Variants in PEX14 observed in about 807,000 individuals in gnomAD.
PEX14 encodes peroxisomal biogenesis factor 14.
A neutral mutation model predicts 49.5 loss-of-function variants in PEX14; 15 were observed. The ratio of observed to expected loss-of-function variants is 0.30; its 90% CI spans 0.20 to 0.47. PEX14 has a LOEUF of 0.47. Ranked by LOEUF, PEX14 falls within the 20% of genes least tolerant of loss-of-function variation. The pLI, the probability that PEX14 is intolerant of heterozygous loss-of-function variation, is 1.00. For missense variants in PEX14, 398 were observed against 494.8 expected, an observed-to-expected ratio of 0.80 and a Z score of 1.86; for synonymous variants, 210 against 212.7, an observed-to-expected ratio of 0.99 and a Z score of 0.11.
chr1:10,530,969 C>T (rs1489497327), intron 2 of PEX14, among the ~76,000 whole-genome samples: 3 of 152,084 alleles, frequency 2.0e-5, no homozygotes, highest in East Asian at 3.8e-4. Flanking sequence ...TGGATATGTT[C>T]GTGGAATGTG....
At chr1:10,577,254 G>T (rs1352829581) in intron 3 of PEX14, among the ~76,000 whole-genome samples, 1 of 151,006 alleles carries the variant, frequency 6.6e-6, no homozygotes, top group Non-Finnish European at 1.5e-5. Flanking sequence ...AAAATTAGCT[G>T]GGCTTGGTGG....
chr1:10,507,488 C>G (rs1641804529), intron 2 of PEX14, among the ~76,000 whole-genome samples: 1 of 152,218 alleles, frequency 6.6e-6, no homozygotes, highest in South Asian at 2.1e-4. Context: ...ATGTGTGCCT[C>G]CTTGTGCTCA....
At chr1:10,548,444 C>A (rs899893929) in intron 3 of PEX14, among the ~76,000 whole-genome samples, 13 of 152,184 alleles carry the variant, frequency 8.5e-5, no homozygotes, top group Admixed American at 5.2e-4. Context: ...TACTGAAAAA[C>A]ATTTTATGTT....
chr1:10,521,079 C>T (rs1198321032), intron 2 of PEX14, among the ~76,000 whole-genome samples: 2 of 148,542 alleles, frequency 1.3e-5, no homozygotes, highest in Non-Finnish European at 3.0e-5. Context: ...GTTTTCTTTT[C>T]CATTTCTCTT....
chr1:10,563,869 G>T (rs188405478), intron 3 of PEX14, among the ~76,000 whole-genome samples: 1 of 151,784 alleles, frequency 6.6e-6, no homozygotes. Flanking sequence ...CCAACATCAC[G>T]CCACTGCACT....
intron 2 of PEX14, among the ~76,000 whole-genome samples, chr1:10,526,335 T>C (rs1345955001): frequency 6.6e-6 from 1 of 151,792 alleles, no homozygotes; most frequent in African/African-American, 2.4e-5. Context: ...TCTCCTGCCT[T>C]AGCTTCCCAA....
intron 5 of PEX14, 44 bp from the exon 6 acceptor site, chr1:10,622,975 C>T (rs1162074703): frequency 7.5e-7 from 1 of 1,335,366 alleles, no homozygotes; most frequent in Admixed American, 1.8e-5. Context: ...TGGAGGATAA[C>T]CCCGGGTCCG....
At chr1:10,592,629 G>A (rs1640702719) in intron 3 of PEX14, among the ~76,000 whole-genome samples, 1 of 152,186 alleles carries the variant, frequency 6.6e-6, no homozygotes, top group Admixed American at 6.5e-5. Context: ...TAAGCTCAAT[G>A]ACTGGTGTGT....
chr1:10,506,878 G>C (rs1286114006), intron 2 of PEX14, among the ~76,000 whole-genome samples: 1 of 152,202 alleles, frequency 6.6e-6, no homozygotes, highest in Non-Finnish European at 1.5e-5. Context: ...AAAGGGCTTG[G>C]CTTTACATCA....
In PEX14 at chr1:10,514,302, C is replaced by T. The variant is rs773761504; in HGVS notation, c.84+18981C>T. ...GATTTGTACGGTGCTGCTCAGCCCA[C>T]GTATTGTGCATCTGTATGTGTGTAT... On this transcript the variant is annotated intron_variant, in intron 2 of 8. Transcript: ENST00000356607. The surrounding 1 kb of genome is among the most constrained non-coding windows in gnomAD (Gnocchi z 4.4). 1.3e-4 allele frequency among the ~76,000 whole-genome samples: 19 copies of T among 151,868 alleles called. No individual in the cohort carries two copies. The highest frequency in any genetic ancestry group is 2.5e-4 in the Non-Finnish European group (17 of 67,982).
chr1:10,535,884 G>A (rs1638786756), intron 2 of PEX14: 1 of 376,342 alleles, frequency 2.7e-6, no homozygotes, highest in South Asian at 2.1e-5. Context: ...CACAAGGGCG[G>A]CGACATGGGT....
At chr1:10,573,122 T>A (rs1640026858) in intron 3 of PEX14, among the ~76,000 whole-genome samples, 2 of 152,218 alleles carry the variant, frequency 1.3e-5, no homozygotes, top group African/African-American at 4.8e-5. Context: ...ATTTTTCAGC[T>A]TTACTATAAT....
At chr1:10,491,830 A>C (rs1347282293) in intron 1 of PEX14, among the ~76,000 whole-genome samples, 1 of 151,682 alleles carries the variant, frequency 6.6e-6, no homozygotes, top group African/African-American at 2.4e-5. Context: ...ACAGGCATGC[A>C]CCACCACACC....
rs976911177 is a variant in PEX14, at chr1:10,529,278, G to A, written c.85-6935G>A. Among the ~76,000 whole-genome samples, 4 of 152,290 alleles carry A rather than the reference G, an allele frequency of 2.6e-5. No individual in the cohort carries two copies. Among genetic ancestry groups the A allele is most frequent in the African/African-American group, 7.2e-5 (3 of 41,550 alleles). On this transcript the variant is annotated intron_variant, in intron 2 of 8. Transcript: ENST00000356607. This position sits in a 1 kb window ranked among gnomAD's most constrained non-coding sequence, Gnocchi z 4.2. ...TGTACTCCACAGCTCCTTCTGTGGC[G>A]TGGTGACCGTCACCCGCTGCATCAG...
chr1:10,599,401 A>T lies in PEX14; in HGVS notation c.298+35A>T, dbSNP rs374618469. On this transcript the variant is annotated intron_variant, in intron 4 of 8. Transcript: ENST00000356607. ...CCGCTCAAACTCCTGCTTAACCTTG[A>T]TTGGGATTCAGGACTCTGGCCAAAG... 2.5e-6 allele frequency: 4 copies of T among 1,613,220 alleles called. No individual in the cohort carries two copies. In the African/African-American group the frequency reaches 5.3e-5, roughly 22 times the overall value.
intron 1 of PEX14, among the ~76,000 whole-genome samples, chr1:10,482,595 G>T (rs549938784): frequency 6.6e-6 from 1 of 151,922 alleles, no homozygotes; most frequent in Non-Finnish European, 1.5e-5. Context: ...CACCATGCCC[G>T]GCTAATTTTT....
chr1:10,563,579 C>G (rs1049719622), intron 3 of PEX14, among the ~76,000 whole-genome samples: 4 of 151,836 alleles, frequency 2.6e-5, no homozygotes, highest in African/African-American at 9.7e-5. Context: ...GAGCCGAGAT[C>G]GTGCCATTGC....
intron 3 of PEX14, among the ~76,000 whole-genome samples, chr1:10,555,102 A>C (rs1041759942): frequency 6.6e-6 from 1 of 152,080 alleles, no homozygotes; most frequent in African/African-American, 2.4e-5. Context: ...ATCCCTTCCC[A>C]AAACCACCTG....
At chr1:10,612,975 C>T (rs987815803) in intron 4 of PEX14, among the ~76,000 whole-genome samples, 3 of 152,254 alleles carry the variant, frequency 2.0e-5, no homozygotes, top group African/African-American at 7.2e-5. Flanking sequence ...GCCAGCCTCC[C>T]CAAGGACGTG....
Sources: allele counts gnomAD v4.1 joint callset (sites outside exome capture counted in the v4.1 genomes callset), GRCh38; gene constraint gnomAD v4.1.1; non-coding constraint Gnocchi (gnomAD v3.1); transcripts MANE v1.5; gene names NCBI Gene and HGNC (gene_info 2026-07-23, HGNC 2026-07-21).